GRM7: variants seen among roughly 807,000 people sequenced by gnomAD.
GRM7 encodes the protein metabotropic glutamate receptor 7.
In GRM7, 35 loss-of-function variants were observed where a neutral mutation model predicts 84.5. The observed-to-expected ratio is 0.41, with a 90% CI of 0.32 to 0.55. The LOEUF is 0.55. Among genes scored for constraint, GRM7 ranks in the 20% least tolerant of loss-of-function variants. The probability of loss-of-function intolerance (pLI) is 0.19; values close to 1 mark genes in which losing one functional copy is unlikely to be tolerated. For missense variants in GRM7, 1,003 were observed against 1,194.6 expected (o/e 0.84, Z 2.36); for synonymous variants, 487 against 455.1 (o/e 1.07, Z -0.89).
intron 2 of GRM7, among the ~76,000 whole-genome samples, chr3:7,285,932 A>T (rs1453249386): frequency 1.3e-5 from 2 of 152,200 alleles, no homozygotes; most frequent in African/African-American, 2.4e-5. Context: ...TCATTAGCAG[A>T]TAATGTGGGT....
Position 6,947,206 on chromosome 3 carries a change from T to G in GRM7, c.519+85299T>G, listed in dbSNP as rs530151893. The stretch of plus-strand genomic sequence containing the variant: ...CTGTGGGTTTGTCGTAGATAGCTCT[T>G]ATTATTTTGAGCTATGTCCCATCAA... On this transcript the variant is annotated intron_variant, in intron 1 of 9. Coordinates refer to ENST00000357716, the MANE Select transcript of GRM7 (RefSeq NM_000844.4). Among the ~76,000 whole-genome samples, 12 of 152,334 alleles carry G rather than the reference T, an allele frequency of 7.9e-5. No individual in the cohort carries two copies. In the South Asian group the frequency reaches 1.9e-3, roughly 24 times the overall value.
intron 2 of GRM7, among the ~76,000 whole-genome samples, chr3:7,169,171 C>T (rs181914081): frequency 7.9e-5 from 12 of 152,094 alleles, no homozygotes; most frequent in Admixed American, 2.0e-4. Context: ...TCATCTTGTC[C>T]GGGGTCATCA....
intron 4 of GRM7, among the ~76,000 whole-genome samples, chr3:7,410,628 TACAC>T (rs1695891529): frequency 9.0e-6 from 1 of 110,544 alleles, no homozygotes; most frequent in Non-Finnish European, 2.0e-5. Flanking sequence ...CACACACAAA[TACAC>T]ACATACACAC....
At chr3:7,501,889 A>G (rs1356973568) in intron 7 of GRM7, among the ~76,000 whole-genome samples, 2 of 152,330 alleles carry the variant, frequency 1.3e-5, no homozygotes, top group African/African-American at 2.4e-5. Flanking sequence ...GTCATACAGC[A>G]TAAGAGCATA....
chr3:7,304,308 C>CTTT (rs34986687), intron 3 of GRM7, among the ~76,000 whole-genome samples: 10,772 of 97,936 alleles, frequency 0.11, 772 homozygotes, highest in Non-Finnish European at 0.18. Flanking sequence ...ATCATCCATC[C>CTTT]TTTTTTTTTT....
intron 1 of GRM7, among the ~76,000 whole-genome samples, chr3:7,024,201 A>T (rs1695888623): frequency 6.6e-6 from 1 of 152,154 alleles, no homozygotes; most frequent in African/African-American, 2.4e-5. Context: ...AGACCTATTT[A>T]ACTCAAAGCC....
chr3:7,376,369 C>T (rs547084521), intron 4 of GRM7, among the ~76,000 whole-genome samples: 16 of 152,234 alleles, frequency 1.1e-4, no homozygotes, highest in African/African-American at 2.9e-4. Flanking sequence ...CTGTTCTCCT[C>T]GTGAATGCTA....
At chr3:7,155,079 C>CT (rs1231452549) in intron 2 of GRM7, among the ~76,000 whole-genome samples, 1 of 152,088 alleles carries the variant, frequency 6.6e-6, no homozygotes, top group African/African-American at 2.4e-5. Context: ...AGTAGTAAAA[C>CT]TTACTTAAAT....
At chr3:7,214,114 CA>C (rs34038958) in intron 2 of GRM7, among the ~76,000 whole-genome samples, 50,331 of 126,442 alleles carry the variant, frequency 0.4, 8,843 homozygotes, top group African/African-American at 0.48. Context: ...ACTAATCAGC[CA>C]AAAAAAAAAA....
At chr3:7,109,660 C>T (rs1006479656) in intron 1 of GRM7, among the ~76,000 whole-genome samples, 7 of 152,210 alleles carry the variant, frequency 4.6e-5, no homozygotes, top group South Asian at 4.1e-4. Flanking sequence ...CTTTTCATTT[C>T]GTCCGCTATA....
chr3:6,990,909 A>G (rs1048081865), intron 1 of GRM7, among the ~76,000 whole-genome samples: 2 of 152,128 alleles, frequency 1.3e-5, no homozygotes, highest in Non-Finnish European at 2.9e-5. Flanking sequence ...AGGACTGCTT[A>G]AAGGTCACAA....
chr3:6,956,966 C>T (rs1056411881), intron 1 of GRM7, among the ~76,000 whole-genome samples: 3 of 152,122 alleles, frequency 2.0e-5, no homozygotes, highest in South Asian at 2.1e-4. Flanking sequence ...AGAAGAACAT[C>T]GAGTTTACAT....
Position 7,620,464 on chromosome 3 carries a change from ATAGCTATATTAC to A in GRM7, c.2451+41109_2451+41120del, listed in dbSNP as rs1559444511. Among the ~76,000 whole-genome samples the A allele has an allele frequency of 2.6e-5, 4 of 152,316 alleles. No homozygotes were observed. The East Asian group carries it at 7.7e-4, about 29-fold the overall frequency. ...TCTTGGTGAATTATGACTTATAGCC[ATAGCTATATTAC>A]TTTCAGAAAGAAAGCTACACTGAGG... On this transcript the variant is annotated intron_variant, in intron 8 of 9. Transcript: ENST00000357716.
chr3:7,579,442 A>G (rs754184846), intron 8 of GRM7, 85 bp downstream of exon 8: 65 of 787,484 alleles, frequency 8.3e-5, no homozygotes, highest in Non-Finnish European at 1.2e-4. Context: ...TGTATAAAGT[A>G]AGAAGTTTCG....
chr3:7,103,790 CTTTCTTTCTTTCTTTCTTTCTTTCTT>C lies in GRM7; in HGVS notation c.520-42660_520-42635del, dbSNP rs1390541503. Among the ~76,000 whole-genome samples, 73 of 111,546 alleles carry C rather than the reference CTTTCTTTCTTTCTTTCTTTCTTTCTT, an allele frequency of 6.5e-4. 2 individuals are homozygous for C. Among genetic ancestry groups the C allele is most frequent in the South Asian group, 3.7e-3 (13 of 3,550 alleles). The allele number at this position is 111,546 out of a possible 152,430, so 73.2% of individuals were successfully genotyped here. Reference sequence around the variant, plus strand: ...TCTTTCTTTCTTTCTTTCTTTCTTTCTTTCTTTCTTTCTTTCTTTCTTTCTTTCTCTCTCTCTCTGTCTCTCTCTCC... The same window carrying C: ...TCTTTCTTTCTTTCTTTCTTTCTTTCTCTCTCTCTCTCTGTCTCTCTCTCC... On this transcript the variant is annotated intron_variant, in intron 1 of 9. Coordinates refer to ENST00000357716, the MANE Select transcript of GRM7 (RefSeq NM_000844.4).
Position 7,740,671 on chromosome 3 carries a change from T to TC in GRM7, c.*266dup. 2.9e-6 allele frequency: 1 copy of TC among 348,382 alleles called. No homozygotes were observed. The highest frequency in any genetic ancestry group is 4.9e-5 in the East Asian group (1 of 20,542). The allele number at this position is 348,382 out of a possible 1,614,324, so 21.6% of individuals were successfully genotyped here. ...TCCCTACCAAAGGGAGTGTTGAAACTCAAGTCCCGCCCTGGCTCTTTAGAA... is the reference window on the plus strand; with the variant it reads ...TCCCTACCAAAGGGAGTGTTGAAACTCCAAGTCCCGCCCTGGCTCTTTAGAA... On this transcript the variant is annotated 3_prime_UTR_variant, in exon 10 of 10. Coordinates refer to ENST00000357716, the MANE Select transcript of GRM7 (RefSeq NM_000844.4).
intron 1 of GRM7, among the ~76,000 whole-genome samples, chr3:7,092,609 G>A (rs533938984): frequency 1.7e-4 from 25 of 146,574 alleles, no homozygotes; most frequent in Non-Finnish European, 3.2e-4. Flanking sequence ...TTGGGGGGGG[G>A]GCAATTTAGA....
At chr3:7,051,317 T>C (rs1696991385) in intron 1 of GRM7, among the ~76,000 whole-genome samples, 1 of 151,778 alleles carries the variant, frequency 6.6e-6, no homozygotes, top group Non-Finnish European at 1.5e-5. Context: ...ATGGTTGGCC[T>C]GAGGTGGAGG....
chr3:7,030,099 AC>A (rs1696135568), intron 1 of GRM7, among the ~76,000 whole-genome samples: 1 of 152,212 alleles, frequency 6.6e-6, no homozygotes, highest in African/African-American at 2.4e-5. Context: ...GATAAAATAT[AC>A]CCAGCAATGA....
Sources: allele counts gnomAD v4.1 joint callset (sites outside exome capture counted in the v4.1 genomes callset), GRCh38; gene constraint gnomAD v4.1.1; transcripts MANE v1.5; gene names NCBI Gene and HGNC (gene_info 2026-07-23, HGNC 2026-07-21).